Variants in LDHC observed in about 807,000 individuals in gnomAD.
LDHC encodes the protein lactate dehydrogenase C.
A neutral mutation model predicts 30.2 loss-of-function variants in LDHC; 20 were observed. The observed-to-expected ratio is 0.66, with a 90% confidence interval of 0.47 to 0.96. The LOEUF (loss-of-function observed/expected upper bound fraction) is 0.96, where lower values mean the gene tolerates loss of function less well. Ranked by LOEUF, LDHC falls within the 40% of genes least tolerant of loss-of-function variation. The pLI, the probability that LDHC is intolerant of heterozygous loss-of-function variation, is 0.00. For synonymous variants in LDHC, 139 were observed against 132.7 expected (o/e 1.05, Z -0.32); for missense variants, 362 against 394.9 (o/e 0.92, Z 0.71).
chr11:18,444,604 GTATATATATA>G (rs60764598), intron 6 of LDHC, among the ~76,000 whole-genome samples: 3,426 of 89,334 alleles, frequency 0.038, 150 homozygotes, highest in African/African-American at 0.086. Flanking sequence ...TGTTCAGGTG[GTATATATATA>G]TATATATATA....
At chr11:18,422,728 A>G (rs1848086277) in intron 3 of LDHC, among the ~76,000 whole-genome samples, 1 of 151,950 alleles carries the variant, frequency 6.6e-6, no homozygotes, top group Admixed American at 6.6e-5. Context: ...GGTGCCTGTA[A>G]TCCTAGCACT....
At chr11:18,413,772 C>CT (rs1208720069) in intron 2 of LDHC, among the ~76,000 whole-genome samples, 2 of 152,150 alleles carry the variant, frequency 1.3e-5, no homozygotes, top group Non-Finnish European at 2.9e-5. Context: ...TAAGTAGGGA[C>CT]TTTTACTTCT....
intron 6 of LDHC, among the ~76,000 whole-genome samples, chr11:18,439,976 A>C (rs1273505333): frequency 7.9e-5 from 12 of 151,354 alleles, no homozygotes; most frequent in Non-Finnish European, 1.8e-4. Context: ...TGGGCAACAG[A>C]GCAAGACTCT....
chr11:18,439,431 T>C (rs1848416056), intron 6 of LDHC, among the ~76,000 whole-genome samples: 1 of 151,176 alleles, frequency 6.6e-6, no homozygotes, highest in Non-Finnish European at 1.5e-5. Context: ...GGTGTGGTGA[T>C]GGGCGCCTGT....
At position 18,417,659 on chromosome 11, in the gene LDHC, C is replaced by T. The variant is rs376427308; in HGVS notation, c.244+2358C>T. On this transcript the variant is annotated intron_variant, in intron 3 of 7. Transcript: ENST00000541669. Reference sequence around the variant, plus strand: ...AAGCAGTTGCAGGTGTGAGCCACCACGCCCAACCCATTTTTATCCCTTTCT... The same window carrying T: ...AAGCAGTTGCAGGTGTGAGCCACCATGCCCAACCCATTTTTATCCCTTTCT... Among the ~76,000 whole-genome samples, 41 of 152,282 alleles carry T rather than the reference C, an allele frequency of 2.7e-4. 1 individual carries two copies. Among genetic ancestry groups the T allele is most frequent in the African/African-American group, 8.9e-4 (37 of 41,564 alleles).
At chr11:18,420,970 G>C (rs1220521536) in intron 3 of LDHC, among the ~76,000 whole-genome samples, 2 of 152,164 alleles carry the variant, frequency 1.3e-5, no homozygotes, top group African/African-American at 4.8e-5. Flanking sequence ...TGTGTCATTA[G>C]GGAAGCAGGA....
chr11:18,434,868 AC>A lies in LDHC; in HGVS notation c.548del (p.Thr183LysfsTer22), dbSNP rs750492944. On this transcript the variant is annotated frameshift_variant, in exon 5 of 8. Coordinates refer to ENST00000541669, the MANE Select transcript of LDHC (RefSeq NM_017448.5). LOFTEE classifies it high-confidence loss of function. Reference sequence around the variant, plus strand: ...TGGAGAAAAGTTGGGTGTCCACCCCACAAGCTGCCATGGTTGGATTATTGGA... The same window carrying A: ...TGGAGAAAAGTTGGGTGTCCACCCCAAAGCTGCCATGGTTGGATTATTGGA... ...LIGEKLGVHP[T>X]SCHGWIIGEH... is the part of the protein sequence containing the mutation. The A allele has an allele frequency of 3.9e-5, 63 of 1,613,512 alleles. No homozygotes were observed. The highest frequency in any genetic ancestry group is 8.3e-5 in the Admixed American group (5 of 59,994).
chr11:18,429,852 C>T lies in LDHC; in HGVS notation c.360C>T (p.Ile120=). 1 of 1,612,676 alleles carries T rather than the reference C, an allele frequency of 6.2e-7. No individual in the cohort carries two copies. Among genetic ancestry groups the T allele is most frequent in the Non-Finnish European group, 8.5e-7 (1 of 1,178,730 alleles). The change falls in exon 4 of 8, where the codon ATC becomes ATT. Residue 120 remains isoleucine, a synonymous_variant. Transcript: ENST00000541669. ...VQRNVAIMKS[I]IPAIVHYSPD... ...GTAATGTGGCTATAATGAAATCAAT[C>T]ATTCCTGCCATAGTCCATTATAGTC...
At chr11:18,436,157 T>C (rs16935431) in intron 5 of LDHC, among the ~76,000 whole-genome samples, 2,035 of 152,322 alleles carry the variant, frequency 0.013, 51 homozygotes, top group African/African-American at 0.046. Flanking sequence ...TTTGACCCTG[T>C]TGGCTTGTGT....
At chr11:18,437,474 C>T (rs1353058258) in intron 5 of LDHC, among the ~76,000 whole-genome samples, 1 of 151,524 alleles carries the variant, frequency 6.6e-6, no homozygotes, top group Non-Finnish European at 1.5e-5. Flanking sequence ...TGGCCAGGGC[C>T]GGGCACGGTG....
chr11:18,429,616 G>T, intron 3 of LDHC, 121 bp from the exon 4 acceptor site: 1 of 476,042 alleles, frequency 2.1e-6, no homozygotes, highest in Non-Finnish European at 3.6e-6. Flanking sequence ...CAAAATGCCA[G>T]ACATAAAGGT....
At chr11:18,445,792 G>A (rs1440804031) in intron 6 of LDHC, among the ~76,000 whole-genome samples, 2 of 152,054 alleles carry the variant, frequency 1.3e-5, no homozygotes, top group Admixed American at 6.6e-5. Context: ...GCAACATGGC[G>A]AAACCCTGTA....
intron 3 of LDHC, among the ~76,000 whole-genome samples, chr11:18,416,628 G>C (rs1386405434): frequency 6.6e-6 from 1 of 152,116 alleles, no homozygotes; most frequent in Non-Finnish European, 1.5e-5. Context: ...CAAGGCCTTT[G>C]AGTACGGCTC....
Position 18,450,982 on chromosome 11 carries a change from A to T in LDHC, c.854A>T (p.Glu285Val). The T allele has an allele frequency of 2.5e-6, 4 of 1,589,596 alleles. No individual in the cohort carries two copies. Among genetic ancestry groups the T allele is most frequent in the Non-Finnish European group, 2.6e-6 (3 of 1,172,206 alleles). The change falls in exon 8 of 8, where the codon GAA becomes GTA. Residue 285 changes from glutamate to valine, a missense_variant. By Grantham distance (121) the Glu-to-Val change is moderately radical. Coordinates refer to ENST00000541669, the MANE Select transcript of LDHC (RefSeq NM_017448.5). ...TTTCAGGGATTATATGGAATAAAAG[A>T]AGAACTCTTTCTCAGTATCCCTTGT... The part of the protein sequence containing the change: ...TMVKGLYGIK[E>V]ELFLSIPCVL...
intron 3 of LDHC, among the ~76,000 whole-genome samples, chr11:18,425,550 G>T (rs1848147338): frequency 6.6e-6 from 1 of 151,936 alleles, no homozygotes; most frequent in African/African-American, 2.4e-5. Context: ...TTGGCCTTTT[G>T]TGTGGTTTTA....
At chr11:18,434,018 G>A (rs1848314536) in intron 4 of LDHC, among the ~76,000 whole-genome samples, 1 of 152,038 alleles carries the variant, frequency 6.6e-6, no homozygotes, top group Non-Finnish European at 1.5e-5. Flanking sequence ...CTTTTTCTTT[G>A]TCTTTGTTGG....
Position 18,440,329 on chromosome 11 carries a change from T to C in LDHC, c.710+1684T>C, listed in dbSNP as rs778918570. Among the ~76,000 whole-genome samples the C allele has an allele frequency of 5.3e-5, 8 of 151,190 alleles. No homozygotes were observed. The South Asian group carries it at 6.3e-4, about 12-fold the overall frequency. ...CTCTGTTTCAAAGAAAACAAACAAATAAATAAATAAAATAAAATAATAAAA... is the reference window on the plus strand; with the variant it reads ...CTCTGTTTCAAAGAAAACAAACAAACAAATAAATAAAATAAAATAATAAAA... On this transcript the variant is annotated intron_variant, in intron 6 of 7. Coordinates refer to ENST00000541669, the MANE Select transcript of LDHC (RefSeq NM_017448.5).
chr11:18,441,799 C>G (rs1461344397), intron 6 of LDHC, among the ~76,000 whole-genome samples: 1 of 152,054 alleles, frequency 6.6e-6, no homozygotes, highest in African/African-American at 2.4e-5. Context: ...GTAATCCCAG[C>G]TATTTGGGAG....
At chr11:18,428,166 CTTTTTTTTTTTT>C (rs35861956) in intron 3 of LDHC, among the ~76,000 whole-genome samples, 11 of 94,842 alleles carry the variant, frequency 1.2e-4, no homozygotes, top group South Asian at 7.8e-4. Flanking sequence ...CTTTCTCTCT[CTTTTTTTTTTTT>C]TTTTTTTTTT....
Sources: gnomAD v4.1 joint callset for allele counts (sites outside exome capture counted in the v4.1 genomes callset) on GRCh38, gnomAD v4.1.1 for gene constraint, MANE v1.5 for transcripts, NCBI Gene and HGNC (gene_info 2026-07-23, HGNC 2026-07-21) for gene names.